Variants in TRIO observed in about 807,000 individuals in gnomAD.
The protein encoded by TRIO is trio Rho guanine nucleotide exchange factor.
TRIO carries 58 observed loss-of-function variants against 351.9 expected under a neutral mutation model. The observed-to-expected ratio is 0.16, with a 90% CI of 0.13 to 0.21. The LOEUF (loss-of-function observed/expected upper bound fraction) is 0.21. Ranked by LOEUF, TRIO falls within the 10% of genes least tolerant of loss-of-function variation. The pLI is 1.00. For missense variants in TRIO, 3,201 were observed against 4,027.8 expected, an observed-to-expected ratio of 0.79 and a Z score of 5.56; for synonymous variants, 1,758 against 1,595.7, an observed-to-expected ratio of 1.10 and a Z score of -2.42.
chr5:14,446,533 A>G (rs1218462576), intron 34 of TRIO, among the ~76,000 whole-genome samples: 1 of 152,070 alleles, frequency 6.6e-6, no homozygotes, highest in African/African-American at 2.4e-5. Context: ...CATAAAATCA[A>G]ATTAGTTCAG....
Position 14,315,495 on chromosome 5 carries a change from C to T in TRIO, c.1501-1018C>T, listed in dbSNP as rs1358979807. On this transcript the variant is annotated intron_variant, in intron 8 of 56. Transcript: ENST00000344204. ...CTCGATCTCTTGACCTTGTGATCCG[C>T]CTGCCTCGGCCTCCCAAAGTGCTGG... is the stretch of plus-strand genomic sequence containing the variant. Among the ~76,000 whole-genome samples the T allele has an allele frequency of 2.6e-5, 4 of 152,134 alleles. No homozygotes were observed. The East Asian group carries it at 7.7e-4, about 29-fold the overall frequency.
At chr5:14,171,597 A>G (rs1255647345) in intron 1 of TRIO, among the ~76,000 whole-genome samples, 2 of 152,204 alleles carry the variant, frequency 1.3e-5, no homozygotes, top group East Asian at 3.8e-4. Flanking sequence ...GATGGATATC[A>G]CCCACAGAGG....
chr5:14,246,779 C>T (rs1475414019), intron 1 of TRIO, among the ~76,000 whole-genome samples: 1 of 152,230 alleles, frequency 6.6e-6, no homozygotes, highest in African/African-American at 2.4e-5. Context: ...CCCTGCCATT[C>T]TGTTGTGCTC....
intron 47 of TRIO, 30 bp from the exon 48 acceptor site, chr5:14,487,433 AC>A: frequency 9.1e-7 from 1 of 1,093,604 alleles, no homozygotes; most frequent in Non-Finnish European, 1.1e-6. Flanking sequence ...TGGCGCCCTG[AC>A]CCAGTCTCTC....
At chr5:14,267,245 C>G (rs1371925308) in intron 1 of TRIO, among the ~76,000 whole-genome samples, 1 of 152,002 alleles carries the variant, frequency 6.6e-6, no homozygotes, top group African/African-American at 2.4e-5. Context: ...CCCCTTCCAC[C>G]TATTTAAGTA....
chr5:14,263,492 TTGTC>T (rs1795476811), intron 1 of TRIO, among the ~76,000 whole-genome samples: 2 of 152,232 alleles, frequency 1.3e-5, no homozygotes, highest in Non-Finnish European at 1.5e-5. Flanking sequence ...TTCTTTTTCT[TTGTC>T]TGAAGAAGAG....
At chr5:14,270,943 A>G in intron 2 of TRIO, 44 bp downstream of exon 2, 1 of 1,394,586 alleles carries the variant, frequency 7.2e-7, no homozygotes. Flanking sequence ...CTGCTCTGAC[A>G]CAATTTCAGA....
chr5:14,236,620 A>G (rs1396447726), intron 1 of TRIO, among the ~76,000 whole-genome samples: 4 of 152,222 alleles, frequency 2.6e-5, no homozygotes, highest in Non-Finnish European at 5.9e-5. Flanking sequence ...TTCAATATAT[A>G]TGTTTTAAAT....
At chr5:14,387,953 G>A in intron 23 of TRIO, 106 bp downstream of exon 23, 1 of 1,174,942 alleles carries the variant, frequency 8.5e-7, no homozygotes, top group South Asian at 1.4e-5. Flanking sequence ...TGGCACCCAG[G>A]CTTTTTGTTG....
intron 25 of TRIO, 35 bp downstream of exon 25, chr5:14,389,433 G>T: frequency 6.8e-7 from 1 of 1,466,250 alleles, no homozygotes; most frequent in Non-Finnish European, 9.4e-7. Context: ...AGTTACGCTT[G>T]AAATCCATGT....
At chr5:14,334,385 G>C (rs770585990) in intron 10 of TRIO, among the ~76,000 whole-genome samples, 11 of 152,144 alleles carry the variant, frequency 7.2e-5, no homozygotes, top group Admixed American at 2.0e-4. Flanking sequence ...AAGATTAAAA[G>C]GGAAATAAAT....
chr5:14,314,318 T>C (rs180810222), intron 8 of TRIO, among the ~76,000 whole-genome samples: 214 of 152,352 alleles, frequency 1.4e-3, no homozygotes, highest in African/African-American at 5.0e-3. Context: ...GATAAAATGT[T>C]TTTCAGTCTA....
At chr5:14,453,568 G>A (rs988233585) in intron 34 of TRIO, among the ~76,000 whole-genome samples, 1 of 152,064 alleles carries the variant, frequency 6.6e-6, no homozygotes, top group Non-Finnish European at 1.5e-5. Context: ...TATGAAGTTT[G>A]TTTGTTCCCA....
intron 1 of TRIO, among the ~76,000 whole-genome samples, chr5:14,184,354 C>T (rs563697164): frequency 1.3e-5 from 2 of 152,366 alleles, no homozygotes; most frequent in South Asian, 4.1e-4. Flanking sequence ...CACCTTGTCC[C>T]ATGGCCTCTG....
At chr5:14,363,113 C>G (rs1301526408) in intron 13 of TRIO, among the ~76,000 whole-genome samples, 1 of 151,886 alleles carries the variant, frequency 6.6e-6, no homozygotes, top group Non-Finnish European at 1.5e-5. Context: ...ATCCTCCTAC[C>G]TCAGCCTCCC....
In TRIO at chr5:14,504,453, T is replaced by G. The variant is rs1422513953; in HGVS notation, c.8472T>G (p.Thr2824=). 6.2e-7 allele frequency: 1 copy of G among 1,614,112 alleles called. No individual in the cohort carries two copies. The highest frequency in any genetic ancestry group is 1.3e-5 in the African/African-American group (1 of 75,008). ...AAGGAACCAAGCGAGCAGTGGCCAC[T>G]AAGTTTGTGAACAAGAAGTTGATGA... ...DQKGTKRAVA[T]KFVNKKLMKR... is the part of the protein sequence containing the mutation. The change falls in exon 55 of 57, where the codon ACT becomes ACG. Residue 2824 remains threonine, a synonymous_variant. Transcript: ENST00000344204.
chr5:14,202,696 T>C (rs1260275299), intron 1 of TRIO, among the ~76,000 whole-genome samples: 3 of 148,674 alleles, frequency 2.0e-5, no homozygotes, highest in African/African-American at 7.5e-5. Flanking sequence ...TTTGCTTGGC[T>C]CTCATTATCT....
At chr5:14,477,057 G>A in intron 41 of TRIO, 94 bp downstream of exon 41, 1 of 1,052,070 alleles carries the variant, frequency 9.5e-7, no homozygotes, top group Non-Finnish European at 1.4e-6. Flanking sequence ...TATACTTTAT[G>A]TAAGTGCGTA....
intron 33 of TRIO, among the ~76,000 whole-genome samples, chr5:14,409,480 A>G (rs1032131590): frequency 2.0e-5 from 3 of 151,948 alleles, no homozygotes; most frequent in African/African-American, 7.3e-5. Flanking sequence ...ATGATTCACC[A>G]GTTTCTCTTG....
Sources: gnomAD v4.1 joint callset for allele counts (sites outside exome capture counted in the v4.1 genomes callset) on GRCh38, gnomAD v4.1.1 for gene constraint, MANE v1.5 for transcripts, NCBI Gene and HGNC (gene_info 2026-07-23, HGNC 2026-07-21) for gene names.